The following NCLN variants were observed in gnomAD, a reference collection of about 807,000 sequenced individuals.
NCLN encodes BOS complex subunit NCLN.
Under a neutral mutation model 69.5 loss-of-function variants are expected in NCLN, and 34 were observed. The observed-to-expected ratio is 0.49, with a 90% confidence interval of 0.37 to 0.65. The LOEUF is 0.65. Ranked by LOEUF, NCLN falls within the 30% of genes least tolerant of loss-of-function variation. NCLN has a pLI of 0.00. For synonymous variants in NCLN, 393 were observed against 358.3 expected (o/e 1.10, Z -1.09); for missense variants, 710 against 804.8 (o/e 0.88, Z 1.42).
chr19:3,208,953 T>C lies in NCLN; in HGVS notation c.*1265T>C, dbSNP rs1916359419. The C allele has an allele frequency of 6.6e-6, 1 of 152,160 alleles. No homozygotes were observed. The highest frequency in any genetic ancestry group is 1.5e-5 in the Non-Finnish European group (1 of 68,088). 9.4% of individuals were successfully genotyped at this position (152,160 alleles called of 1,614,324 possible). ...GCTCAGGGAGACCCCGGTGTGTCCGTTCTTTAGCAATATAACCTACCCAGT... is the reference window on the plus strand; with the variant it reads ...GCTCAGGGAGACCCCGGTGTGTCCGCTCTTTAGCAATATAACCTACCCAGT... On this transcript the variant is annotated 3_prime_UTR_variant, in exon 15 of 15. Coordinates refer to ENST00000246117, the MANE Select transcript of NCLN (RefSeq NM_020170.4).
chr19:3,190,571 G>A (rs1381124979), intron 1 of NCLN, among the ~76,000 whole-genome samples: 1 of 152,202 alleles, frequency 6.6e-6, no homozygotes, highest in Admixed American at 6.5e-5. Context: ...CAGGCCCCGG[G>A]AAGAGCTGCG....
At chr19:3,194,800 G>T (rs1388900476) in intron 3 of NCLN, among the ~76,000 whole-genome samples, 1 of 149,986 alleles carries the variant, frequency 6.7e-6, no homozygotes, top group African/African-American at 2.5e-5. Flanking sequence ...GCCCAGGCTG[G>T]AGTGCAGTGG....
chr19:3,186,390 C>G (rs891675708), intron 1 of NCLN, among the ~76,000 whole-genome samples, 176 bp downstream of exon 1: 2 of 152,102 alleles, frequency 1.3e-5, no homozygotes, highest in South Asian at 2.1e-4. Context: ...AATCCCTGCT[C>G]TCCTTGCCTA....
chr19:3,186,821 G>A (rs187217931), intron 1 of NCLN, among the ~76,000 whole-genome samples: 50 of 152,034 alleles, frequency 3.3e-4, no homozygotes, highest in African/African-American at 1.2e-3. Context: ...CCCTCCCACG[G>A]CCCTGGGTGC....
In NCLN at chr19:3,190,986, A is replaced by G. The variant is rs112902609; in HGVS notation, c.185-1484A>G. On this transcript the variant is annotated intron_variant, in intron 1 of 14. Coordinates refer to ENST00000246117, the MANE Select transcript of NCLN (RefSeq NM_020170.4). ...GTGCTCTCCAGGGTCTTTCCAGGGC[A>G]ACTCAGGTGGCCATCGCGGTGTGTG... Among the ~76,000 whole-genome samples the G allele has an allele frequency of 7.5e-3, 1,137 of 151,578 alleles. 13 individuals are homozygous for G. Among genetic ancestry groups the G allele is most frequent in the African/African-American group, 0.026 (1,088 of 41,156 alleles).
At chr19:3,204,841 A>G in intron 9 of NCLN, 90 bp downstream of exon 9, 2 of 1,287,104 alleles carry the variant, frequency 1.6e-6, no homozygotes, top group Non-Finnish European at 2.0e-6. Flanking sequence ...GAGAGCCTGG[A>G]GGGAGCGGCC....
At chr19:3,189,960 G>A (rs1165521672) in intron 1 of NCLN, among the ~76,000 whole-genome samples, 2 of 152,232 alleles carry the variant, frequency 1.3e-5, no homozygotes, top group Non-Finnish European at 2.9e-5. Flanking sequence ...GTCCCCCTCC[G>A]TTCCTCTGAC....
Position 3,206,385 on chromosome 19 carries a change from C to G in NCLN, c.1459C>G (p.Leu487Val), listed in dbSNP as rs933953358. ...STLEHHLSRY[L>V]KDVKQHHVKA... ...GCTGGAGCACCACCTGAGCCGCTAC[C>G]TGAAGGACGTGAAGCAGCACCACGT... Residue 487 changes from leucine (L) to valine (V), a missense_variant, in exon 12 of 15, where the codon CTG (leucine) becomes GTG (valine). Leu to Val is a conservative substitution (Grantham distance 32, BLOSUM62 1). Coordinates refer to ENST00000246117, the MANE Select transcript of NCLN (RefSeq NM_020170.4). 2.6e-6 allele frequency: 4 copies of G among 1,548,136 alleles called. No homozygotes were observed. The highest frequency in any genetic ancestry group is 2.6e-6 in the Non-Finnish European group (3 of 1,146,954).
Position 3,205,676 on chromosome 19 carries a change from G to T in NCLN, c.1209-263G>T, listed in dbSNP as rs56661554. On this transcript the variant is annotated intron_variant, in intron 9 of 14. Transcript: ENST00000246117. The surrounding 1 kb of genome is among the most constrained non-coding windows in gnomAD (Gnocchi z 4.6). Reference sequence around the variant, plus strand: ...TTAAATTCTGGAAGAGCAGAAAACCGAGTCAGAAGGAACCAAGGCCTCAGG... The same window carrying T: ...TTAAATTCTGGAAGAGCAGAAAACCTAGTCAGAAGGAACCAAGGCCTCAGG... 6.6e-6 allele frequency among the ~76,000 whole-genome samples: 1 copy of T among 152,224 alleles called. No homozygotes were observed. The highest frequency in any genetic ancestry group is 1.5e-5 in the Non-Finnish European group (1 of 68,028).
intron 5 of NCLN, among the ~76,000 whole-genome samples, chr19:3,199,715 T>TG (rs1916073962): frequency 1.2e-5 from 1 of 85,448 alleles, no homozygotes; most frequent in African/African-American, 5.9e-5. Flanking sequence ...TTTTTTTTTT[T>TG]TAATTGAGAC....
rs566371702 is a variant in NCLN at position 3,197,948 on chromosome 19, C to T, written c.616-869C>T. Among the ~76,000 whole-genome samples, 34 of 152,302 alleles carry T rather than the reference C, an allele frequency of 2.2e-4. No homozygotes were observed. In the East Asian group the frequency reaches 2.5e-3, roughly 11 times the overall value. On this transcript the variant is annotated intron_variant, in intron 4 of 14. Coordinates refer to ENST00000246117, the MANE Select transcript of NCLN (RefSeq NM_020170.4). ...GTAAATAAAGTTTTATGGCACACAG[C>T]CATGCTGATGCATGTGCAAGCCGTC...
rs568184616 is a variant in NCLN at position 3,198,727 on chromosome 19, C to T, written c.616-90C>T. 72 of 1,025,856 alleles carry T rather than the reference C, an allele frequency of 7.0e-5. 1 individual carries two copies. In the South Asian group the frequency reaches 7.5e-4, roughly 11 times the overall value. The allele number at this position is 1,025,856 out of a possible 1,614,324, so 63.5% of individuals were successfully genotyped here. A position where few individuals can be genotyped will look rare whatever the true frequency, so the allele number is the denominator to read the frequency against. ...GCTGGCACCCAGCGGACGGGCCCCA[C>T]GTGGCCCAGAGGGGAGGGGTCTCCA... On this transcript the variant is annotated intron_variant, in intron 4 of 14. Transcript: ENST00000246117.
intron 1 of NCLN, among the ~76,000 whole-genome samples, chr19:3,191,717 A>G (rs1915832186): frequency 6.6e-6 from 1 of 152,192 alleles, no homozygotes; most frequent in Non-Finnish European, 1.5e-5. Context: ...TACCTGTTGT[A>G]TATGGCTGCA....
chr19:3,203,793 T>A lies in NCLN; in HGVS notation c.838T>A (p.Phe280Ile), dbSNP rs1343591697. 6.2e-7 allele frequency: 1 copy of A among 1,613,352 alleles called. No individual in the cohort carries two copies. Residue 280 changes from phenylalanine to isoleucine, a missense_variant, in exon 7 of 15, where the codon TTT (phenylalanine) becomes ATT (isoleucine). Coordinates refer to ENST00000246117, the MANE Select transcript of NCLN (RefSeq NM_020170.4). ...GTTCTTTGCGTCTGGAGGAGGCAAG[T>A]TTAACTACCAGGGAACCAAGCGCTG... is the stretch of plus-strand genomic sequence containing the variant. ...LLFFASGGGK[F>I]NYQGTKRWLE...
intron 1 of NCLN, among the ~76,000 whole-genome samples, chr19:3,186,421 C>G (rs923349856): frequency 6.6e-6 from 1 of 152,146 alleles, no homozygotes; most frequent in Non-Finnish European, 1.5e-5. Flanking sequence ...ACCCCCCGCG[C>G]TCGCTCCCAC....
At position 3,208,056 on chromosome 19, in the gene NCLN, T is replaced by C. The variant is rs1301650586; in HGVS notation, c.*368T>C. On this transcript the variant is annotated 3_prime_UTR_variant, in exon 15 of 15. Coordinates refer to ENST00000246117, the MANE Select transcript of NCLN (RefSeq NM_020170.4). ...ACCCCCTGCCCGATCGCGCGCGGCCTCCGCCCACCGCCTCCTGCCGCAAGG... is the reference window on the plus strand; with the variant it reads ...ACCCCCTGCCCGATCGCGCGCGGCCCCCGCCCACCGCCTCCTGCCGCAAGG... 2 of 246,638 alleles carry C rather than the reference T, an allele frequency of 8.1e-6. No homozygotes were observed. Among genetic ancestry groups the C allele is most frequent in the Non-Finnish European group, 1.6e-5 (2 of 125,974 alleles). The allele number at this position is 246,638 out of a possible 1,614,324, so 15.3% of individuals were successfully genotyped here.
intron 3 of NCLN, 59 bp from the exon 4 acceptor site, chr19:3,196,124 T>C (rs311615): frequency 0.49 from 637,325 of 1,297,700 alleles, 163,065 homozygotes; most frequent in East Asian, 0.88. Flanking sequence ...GTGCTGGGGA[T>C]GCCCCCTGGC....
At chr19:3,204,375 G>A (rs1916206026) in intron 8 of NCLN, among the ~76,000 whole-genome samples, 198 bp from the exon 9 acceptor site, 4 of 152,116 alleles carry the variant, frequency 2.6e-5, no homozygotes, top group African/African-American at 9.7e-5. Context: ...CTGTCCCAGA[G>A]TGTCCCCTTG....
At position 3,192,647 on chromosome 19, in the gene NCLN, A is replaced by G. The variant is rs1167099141; in HGVS notation, c.362A>G (p.Gln121Arg). The change falls in exon 2 of 15, where the codon CAG becomes CGG. Residue 121 changes from glutamine (Q) to arginine (R), a missense_variant. By Grantham distance (43) the Gln-to-Arg change is conservative (BLOSUM62 1). Transcript: ENST00000246117. Reference sequence around the variant, plus strand: ...CCCAGGGCCATGGCCGCCGTGCCCCAGGACGTCGTCCGGGTGAGCGTCTGC... The same window carrying G: ...CCCAGGGCCATGGCCGCCGTGCCCCGGGACGTCGTCCGGGTGAGCGTCTGC... ...ILPRAMAAVPQDVVRQFMEIE... is the reference protein window; with the variant it reads ...ILPRAMAAVPRDVVRQFMEIE... The G allele has an allele frequency of 2.6e-6, 4 of 1,561,850 alleles. No homozygotes were observed. The highest frequency in any genetic ancestry group is 3.5e-6 in the Non-Finnish European group (4 of 1,152,824).
Sources: gnomAD v4.1 joint callset for allele counts (sites outside exome capture counted in the v4.1 genomes callset) on GRCh38, gnomAD v4.1.1 for gene constraint, Gnocchi (gnomAD v3.1) non-coding constraint, MANE v1.5 for transcripts, NCBI Gene and HGNC (gene_info 2026-07-23, HGNC 2026-07-21) for gene names.